WWC1: variants seen among roughly 807,000 people sequenced by gnomAD.
The protein encoded by WWC1 is protein KIBRA.
WWC1 carries 55 observed loss-of-function variants against 138.4 expected under a neutral mutation model. That is an observed-to-expected ratio of 0.40 (90% confidence interval 0.32 to 0.50). The LOEUF is 0.50. WWC1 is among the 20% of genes least tolerant of loss of function. The pLI is 0.72. For synonymous variants in WWC1, 524 were observed against 564.9 expected (o/e 0.93, Z 1.03); for missense variants, 1,226 against 1,420.4 (o/e 0.86, Z 2.20).
intron 1 of WWC1, among the ~76,000 whole-genome samples, chr5:168,305,437 G>A (rs562551657): frequency 6.6e-6 from 1 of 152,264 alleles, no homozygotes; most frequent in African/African-American, 2.4e-5. Flanking sequence ...AGGCTCCATA[G>A]CATCCTGTGC....
chr5:168,334,054 GAAAA>G (rs70976475), intron 1 of WWC1, among the ~76,000 whole-genome samples: 830 of 44,478 alleles, frequency 0.019, 10 homozygotes, highest in African/African-American at 0.064. Flanking sequence ...CATCCCTACT[GAAAA>G]AAAAAAAAAA....
chr5:168,351,146 A>G (rs1774923072), intron 1 of WWC1, among the ~76,000 whole-genome samples: 1 of 136,820 alleles, frequency 7.3e-6, no homozygotes, highest in African/African-American at 2.8e-5. Flanking sequence ...CCTTGTCTCA[A>G]AAAAAAAAAA....
intron 15 of WWC1, among the ~76,000 whole-genome samples, chr5:168,436,813 G>A (rs578122428): frequency 1.3e-5 from 2 of 152,190 alleles, no homozygotes; most frequent in Non-Finnish European, 2.9e-5. Flanking sequence ...CCTGGATGAT[G>A]GCAGCCATCT....
Position 168,444,598 on chromosome 5 carries a change from G to C in WWC1, c.2525+13G>C. ...TGGAAGACAGCTGGTGAGTGAGCCC[G>C]CCCTTGGGCCCCAGGAGCTGCCCTG... is the stretch of plus-strand genomic sequence containing the variant. On this transcript the variant is annotated intron_variant, in intron 17 of 22. Coordinates refer to ENST00000265293, the MANE Select transcript of WWC1 (RefSeq NM_015238.3). 1 of 1,612,876 alleles carries C rather than the reference G, an allele frequency of 6.2e-7. No individual in the cohort carries two copies. Among genetic ancestry groups the C allele is most frequent in the Non-Finnish European group, 8.5e-7 (1 of 1,179,846 alleles).
At chr5:168,376,803 C>T (rs528978026) in intron 2 of WWC1, among the ~76,000 whole-genome samples, 5 of 152,266 alleles carry the variant, frequency 3.3e-5, no homozygotes, top group Non-Finnish European at 5.9e-5. Context: ...AATGGAAAAA[C>T]GTTCCGTGCT....
intron 3 of WWC1, among the ~76,000 whole-genome samples, chr5:168,385,693 A>G (rs13169010): frequency 0.58 from 88,918 of 152,032 alleles, 26,443 homozygotes; most frequent in African/African-American, 0.65. Flanking sequence ...GGAATTGGGA[A>G]TGGGGAATTC....
chr5:168,423,389 C>T (rs1394378273), intron 10 of WWC1, 144 bp from the exon 11 acceptor site: 13 of 896,634 alleles, frequency 1.4e-5, no homozygotes, highest in African/African-American at 3.3e-5. Context: ...ATCAGTTTTC[C>T]ATGAAGTGGG....
At chr5:168,324,535 A>C (rs1772377161) in intron 1 of WWC1, among the ~76,000 whole-genome samples, 1 of 152,220 alleles carries the variant, frequency 6.6e-6, no homozygotes, top group African/African-American at 2.4e-5. Context: ...AGAAAAAACT[A>C]AAAATTTCTT....
In WWC1 at chr5:168,292,116, G is replaced by T. The variant is rs1769094865; in HGVS notation, c.-37G>T. The T allele has an allele frequency of 1.3e-6, 2 of 1,505,222 alleles. No individual in the cohort carries two copies. The highest frequency in any genetic ancestry group is 2.3e-5 in the Admixed American group (1 of 44,116). 93.2% of individuals were successfully genotyped at this position (1,505,222 alleles called of 1,614,324 possible). On this transcript the variant is annotated 5_prime_UTR_variant, in exon 1 of 23. Transcript: ENST00000265293. This position sits in a 1 kb window ranked among gnomAD's most constrained non-coding sequence, Gnocchi z 4.4. ...AGCCGCTGAGCCCCCGCTGCGGCCG[G>T]GAGCTGCATGGGGGAGCGCCGGCAG...
intron 1 of WWC1, among the ~76,000 whole-genome samples, chr5:168,353,668 C>T (rs1245162130): frequency 3.3e-5 from 5 of 152,230 alleles, no homozygotes; most frequent in Non-Finnish European, 7.3e-5. Context: ...GCCGTCAGGC[C>T]AATCAAGCGC....
chr5:168,352,964 C>T (rs944086656), intron 1 of WWC1, among the ~76,000 whole-genome samples: 1 of 152,182 alleles, frequency 6.6e-6, no homozygotes, highest in African/African-American at 2.4e-5. Context: ...ATATGGGTAA[C>T]TCTTAGGTCA....
chr5:168,445,947 A>G (rs952321180), intron 17 of WWC1, among the ~76,000 whole-genome samples: 2 of 152,168 alleles, frequency 1.3e-5, no homozygotes, highest in African/African-American at 4.8e-5. Context: ...TTAACCAAGA[A>G]GCATTCCTGA....
chr5:168,453,913 T>C, intron 17 of WWC1, 55 bp from the exon 18 acceptor site: 1 of 1,603,272 alleles, frequency 6.2e-7, no homozygotes, highest in Non-Finnish European at 8.5e-7. Flanking sequence ...TAAAGGCAGG[T>C]GAACAGAGGC....
At chr5:168,335,803 A>G (rs1264250542) in intron 1 of WWC1, among the ~76,000 whole-genome samples, 1 of 152,194 alleles carries the variant, frequency 6.6e-6, no homozygotes, top group Non-Finnish European at 1.5e-5. Context: ...AAACTTGATG[A>G]GGAAGATATG....
intron 1 of WWC1, among the ~76,000 whole-genome samples, chr5:168,342,930 G>C (rs1318573006): frequency 6.6e-6 from 1 of 152,142 alleles, no homozygotes; most frequent in Non-Finnish European, 1.5e-5. Flanking sequence ...AAGTATCTGG[G>C]CACTAGGCAG....
At chr5:168,333,158 G>C (rs991290007) in intron 1 of WWC1, among the ~76,000 whole-genome samples, 2 of 152,214 alleles carry the variant, frequency 1.3e-5, no homozygotes, top group African/African-American at 4.8e-5. Flanking sequence ...AAGCCAACTG[G>C]CATCTGTAGG....
In WWC1 at chr5:168,369,404, G is replaced by T. The variant is rs111468422; in HGVS notation, c.120-2020G>T. On this transcript the variant is annotated intron_variant, in intron 1 of 22. Transcript: ENST00000265293. Reference sequence around the variant, plus strand: ...ATTTGTTTTGTTGTTGTTGTTGGTGGTGGTGGTGGTGTTTTAGAGTCAGGG... The same window carrying T: ...ATTTGTTTTGTTGTTGTTGTTGGTGTTGGTGGTGGTGTTTTAGAGTCAGGG... Among the ~76,000 whole-genome samples the T allele has an allele frequency of 8.3e-3, 1,262 of 152,198 alleles. 20 individuals carry two copies. Among genetic ancestry groups the T allele is most frequent in the African/African-American group, 0.027 (1,131 of 41,506 alleles).
intron 3 of WWC1, among the ~76,000 whole-genome samples, chr5:168,392,956 G>A (rs762188163): frequency 2.0e-5 from 3 of 151,738 alleles, no homozygotes; most frequent in Admixed American, 6.6e-5. Flanking sequence ...ACAAGAACAC[G>A]GTACTACATT....
intron 17 of WWC1, among the ~76,000 whole-genome samples, chr5:168,445,101 G>A (rs544841126): frequency 1.1e-3 from 160 of 151,206 alleles, no homozygotes; most frequent in Middle Eastern, 3.6e-3. Context: ...GGATCACGAC[G>A]TCAGGAGCTC....
Sources: gnomAD v4.1 joint callset for allele counts (sites outside exome capture counted in the v4.1 genomes callset) on GRCh38, gnomAD v4.1.1 for gene constraint, Gnocchi (gnomAD v3.1) non-coding constraint, MANE v1.5 for transcripts, NCBI Gene and HGNC (gene_info 2026-07-23, HGNC 2026-07-21) for gene names.